Variants in KANK2 observed in about 807,000 individuals in gnomAD.
KANK2 encodes the protein KN motif and ankyrin repeat domain-containing protein 2.
A neutral mutation model predicts 74.6 loss-of-function variants in KANK2; 41 were observed. The ratio of observed to expected loss-of-function variants is 0.55; its 90% CI spans 0.43 to 0.71. The LOEUF is 0.71. Ranked by LOEUF, KANK2 falls within the 30% of genes least tolerant of loss-of-function variation. The pLI is 0.00. For synonymous variants in KANK2, 537 were observed against 519.0 expected (o/e 1.03, Z -0.47); for missense variants, 1,148 against 1,196.4 (o/e 0.96, Z 0.60).
chr19:11,177,508 C>T (rs1159765293), intron 6 of KANK2, among the ~76,000 whole-genome samples: 1 of 152,100 alleles, frequency 6.6e-6, no homozygotes. Flanking sequence ...GCACCCACCA[C>T]ACCCAGCTAT....
At chr19:11,176,200 C>A (rs1382694783) in intron 7 of KANK2, among the ~76,000 whole-genome samples, 1 of 152,128 alleles carries the variant, frequency 6.6e-6, no homozygotes, top group East Asian at 1.9e-4. Flanking sequence ...ACACACAAGC[C>A]AAAGTTTATT....
At chr19:11,171,906 C>A (rs1219694367) in intron 10 of KANK2, among the ~76,000 whole-genome samples, 1 of 150,586 alleles carries the variant, frequency 6.6e-6, no homozygotes, top group Non-Finnish European at 1.5e-5. Context: ...AAACTACTGA[C>A]CTCGTGATCT....
intron 5 of KANK2, 40 bp downstream of exon 5, chr19:11,178,512 TC>T: frequency 6.2e-7 from 1 of 1,602,192 alleles, no homozygotes; most frequent in African/African-American, 1.3e-5. Flanking sequence ...ACTGGCGCCA[TC>T]CCGGTGCCCC....
chr19:11,184,804 CTTCTTTTTT>C (rs950899818), intron 4 of KANK2, among the ~76,000 whole-genome samples: 7 of 147,596 alleles, frequency 4.7e-5, no homozygotes, highest in African/African-American at 1.7e-4. Context: ...CTTCAGGGAA[CTTCTTTTTT>C]TTCTTTTTTT....
chr19:11,190,820 TC>T (rs2078821410), intron 4 of KANK2, among the ~76,000 whole-genome samples: 2 of 152,080 alleles, frequency 1.3e-5, no homozygotes, highest in South Asian at 4.2e-4. Flanking sequence ...AACCTCCGGC[TC>T]CCAAGTTCAA....
At chr19:11,179,317 C>CAAA (rs34690548) in intron 4 of KANK2, among the ~76,000 whole-genome samples, 6,585 of 97,140 alleles carry the variant, frequency 0.068, 211 homozygotes, top group Middle Eastern at 0.13. Context: ...CCCTGCCTCT[C>CAAA]AAAAAAAAAA....
intron 4 of KANK2, among the ~76,000 whole-genome samples, chr19:11,183,130 C>T (rs2078577022): frequency 6.6e-6 from 1 of 152,164 alleles, no homozygotes; most frequent in Non-Finnish European, 1.5e-5. Context: ...AAAACAAGAG[C>T]ACAGATGGAG....
intron 4 of KANK2, among the ~76,000 whole-genome samples, chr19:11,181,656 G>A (rs1289335913): frequency 6.6e-6 from 1 of 152,030 alleles, no homozygotes; most frequent in Non-Finnish European, 1.5e-5. Context: ...TTGGAAAGAT[G>A]AGAAAGTTCT....
At chr19:11,191,594 G>C (rs2078847595) in intron 4 of KANK2, among the ~76,000 whole-genome samples, 1 of 152,226 alleles carries the variant, frequency 6.6e-6, no homozygotes, top group Non-Finnish European at 1.5e-5. Flanking sequence ...CAGCCAATGA[G>C]GGCCCCCTCT....
chr19:11,181,664 T>A (rs570003882), intron 4 of KANK2, among the ~76,000 whole-genome samples: 3 of 151,944 alleles, frequency 2.0e-5, no homozygotes, highest in Non-Finnish European at 4.4e-5. Flanking sequence ...ATGAGAAAGT[T>A]CTAAAGATGG....
At position 11,169,909 on chromosome 19, in the gene KANK2, T is replaced by C; in HGVS notation, c.2470A>G (p.Met824Val). The change falls in exon 12 of 13, where the codon ATG becomes GTG. Residue 824 changes from methionine to valine, a missense_variant. Met to Val is a conservative substitution (Grantham distance 21). Transcript: ENST00000586659. ...TTGATGTTCATGCGGGAATACAGCA[T>C]GGACGCAATCTCACTCTGCCCTGCG... is the stretch of plus-strand genomic sequence containing the variant. Reference protein sequence around the residue: ...LDAGQSEIASMLYSRMNIKCS... With the variant: ...LDAGQSEIASVLYSRMNIKCS... 3 of 1,614,208 alleles carry C rather than the reference T, an allele frequency of 1.9e-6. No homozygotes were observed. Among genetic ancestry groups the C allele is most frequent in the South Asian group, 1.1e-5 (1 of 91,084 alleles).
intron 12 of KANK2, 122 bp downstream of exon 12, chr19:11,169,755 C>T (rs1291330915): frequency 7.7e-6 from 6 of 781,084 alleles, no homozygotes; most frequent in Non-Finnish European, 1.0e-5. Flanking sequence ...GAGCCCAGAT[C>T]GTGCCACCGC....
chr19:11,166,251 G>A lies in KANK2; in HGVS notation c.*307C>T. ...CTTCCTCCATCCATAATTACCAGCT[G>A]ATTGTTCTCAATGTTCTTCATAAAA... On this transcript the variant is annotated 3_prime_UTR_variant, in exon 13 of 13. Transcript: ENST00000586659. 1 of 295,414 alleles carries A rather than the reference G, an allele frequency of 3.4e-6. No homozygotes were observed. The highest frequency in any genetic ancestry group is 5.1e-5 in the Admixed American group (1 of 19,678). 18.3% of individuals were successfully genotyped at this position (295,414 alleles called of 1,614,324 possible). A position where few individuals can be genotyped will look rare whatever the true frequency, so the allele number is the denominator to read the frequency against.
chr19:11,192,808 C>T (rs375484724), intron 4 of KANK2, 23 bp downstream of exon 4: 6 of 1,611,278 alleles, frequency 3.7e-6, no homozygotes, highest in East Asian at 4.5e-5. Context: ...GCCATTCTCC[C>T]CTGCCTGCCT....
chr19:11,167,180 C>T (rs952721639), intron 12 of KANK2, among the ~76,000 whole-genome samples: 2 of 152,030 alleles, frequency 1.3e-5, no homozygotes, highest in African/African-American at 4.8e-5. Context: ...ATTCTCCTGC[C>T]TCAGCCTCCT....
chr19:11,178,303 G>A (rs1352277356), intron 6 of KANK2, 42 bp downstream of exon 6: 4 of 1,025,556 alleles, frequency 3.9e-6, no homozygotes, highest in South Asian at 1.9e-5. Context: ...ATGGAGGAGG[G>A]GCGGGAAGTA....
chr19:11,182,399 T>A (rs2078547196), intron 4 of KANK2, among the ~76,000 whole-genome samples: 1 of 151,644 alleles, frequency 6.6e-6, no homozygotes, highest in Non-Finnish European at 1.5e-5. Context: ...GCGCCTATAG[T>A]TCTAACTACT....
chr19:11,176,850 T>C (rs2078356419), intron 6 of KANK2, 33 bp from the exon 7 acceptor site: 2 of 1,488,658 alleles, frequency 1.3e-6, no homozygotes, highest in Non-Finnish European at 8.9e-7. Context: ...GGGGAGATGC[T>C]GCAGGTGGGA....
chr19:11,180,411 T>TTC (rs2078480785), intron 4 of KANK2, among the ~76,000 whole-genome samples: 1 of 152,046 alleles, frequency 6.6e-6, no homozygotes, highest in South Asian at 2.1e-4. Flanking sequence ...TTTTTTTTTT[T>TTC]GCCATATACA....
Sources: allele counts gnomAD v4.1 joint callset (sites outside exome capture counted in the v4.1 genomes callset), GRCh38; gene constraint gnomAD v4.1.1; transcripts MANE v1.5; gene names NCBI Gene and HGNC (gene_info 2026-07-23, HGNC 2026-07-21).